The following RANBP3L variants were observed in gnomAD, a reference collection of about 807,000 sequenced individuals.
The protein encoded by RANBP3L is RAN binding protein 3 like, also known as ran-binding protein 3-like.
Under a neutral mutation model 67.2 loss-of-function variants are expected in RANBP3L, and 56 were observed. The ratio of observed to expected loss-of-function variants is 0.83; its 90% CI spans 0.67 to 1.04. RANBP3L has a LOEUF of 1.04. Among genes scored for constraint, RANBP3L ranks in the 50% least tolerant of loss-of-function variants. The pLI, the probability that RANBP3L is intolerant of heterozygous loss-of-function variation, is 0.00. For missense variants in RANBP3L, 496 were observed against 535.5 expected, an observed-to-expected ratio of 0.93 and a Z score of 0.73; for synonymous variants, 164 against 181.4, an observed-to-expected ratio of 0.90 and a Z score of 0.77.
At chr5:36,298,069 G>A (rs1752353188) in intron 1 of RANBP3L, among the ~76,000 whole-genome samples, 1 of 151,954 alleles carries the variant, frequency 6.6e-6, no homozygotes, top group African/African-American at 2.4e-5. Context: ...GGGAGGCCGA[G>A]GTGGGAAGAT....
At chr5:36,272,683 G>C (rs1007100186) in intron 1 of RANBP3L, among the ~76,000 whole-genome samples, 3 of 152,022 alleles carry the variant, frequency 2.0e-5, no homozygotes, top group Non-Finnish European at 4.4e-5. Flanking sequence ...TGTTGCCGAG[G>C]CTCGAGTGTA....
At chr5:36,284,326 C>CT (rs140779703) in intron 1 of RANBP3L, among the ~76,000 whole-genome samples, 9,392 of 152,216 alleles carry the variant, frequency 0.062, 984 homozygotes, top group African/African-American at 0.22. Context: ...AGGAATGCAG[C>CT]TTTTTAATTA....
Position 36,265,498 on chromosome 5 carries a change from C to CAT in RANBP3L, c.289_290dup (p.Met97IlefsTer2). 6.2e-7 allele frequency: 1 copy of CAT among 1,603,186 alleles called. No homozygotes were observed. Among genetic ancestry groups the CAT allele is most frequent in the Non-Finnish European group, 8.5e-7 (1 of 1,171,836 alleles). On this transcript the variant is annotated frameshift_variant, in exon 5 of 14. Coordinates refer to ENST00000296604, the MANE Select transcript of RANBP3L (RefSeq NM_145000.5). LOFTEE classifies it high-confidence loss of function. ...CACTACTTTGCACAAGAGCTGATGT[C>CAT]ATAAAAACATTGTTTTTCCTCACTG...
intron 1 of RANBP3L, among the ~76,000 whole-genome samples, chr5:36,286,063 A>C (rs1450841525): frequency 6.6e-6 from 1 of 152,172 alleles, no homozygotes; most frequent in East Asian, 1.9e-4. Context: ...GTTTTGTCTG[A>C]GCAAACCTTA....
chr5:36,266,980 C>G (rs1053855904), intron 4 of RANBP3L, among the ~76,000 whole-genome samples: 1 of 152,154 alleles, frequency 6.6e-6, no homozygotes, highest in African/African-American at 2.4e-5. Context: ...TGGTTTCGAA[C>G]TCCTGGCCTG....
rs950749795 is a variant in RANBP3L at position 36,261,955 on chromosome 5, C to A, written c.568G>T (p.Gly190Cys). The change falls in exon 7 of 14, where the codon GGT becomes TGT. Residue 190 changes from glycine (G) to cysteine (C), a missense_variant. Transcript: ENST00000296604. ...VQLSTNQDFL[G>C]ATSVGCQPNE... ...TTAACTTACCCTACTGATGTTGCACCTAAAAAGTCCTGGTTAGTAGACAGC... is the reference window on the plus strand; with the variant it reads ...TTAACTTACCCTACTGATGTTGCACATAAAAAGTCCTGGTTAGTAGACAGC... The A allele has an allele frequency of 1.3e-6, 2 of 1,569,772 alleles. No homozygotes were observed. The highest frequency in any genetic ancestry group is 1.7e-6 in the Non-Finnish European group (2 of 1,143,360).
At chr5:36,290,612 C>T (rs1751664796) in intron 1 of RANBP3L, among the ~76,000 whole-genome samples, 1 of 149,562 alleles carries the variant, frequency 6.7e-6, no homozygotes, top group African/African-American at 2.5e-5. Context: ...GAGCAGACTA[C>T]TTTCTCATGA....
At chr5:36,297,076 A>G (rs1433223506) in intron 1 of RANBP3L, among the ~76,000 whole-genome samples, 1 of 152,096 alleles carries the variant, frequency 6.6e-6, no homozygotes, top group African/African-American at 2.4e-5. Flanking sequence ...TGCTCCCAAA[A>G]CTTAATTATT....
chr5:36,268,323 T>G (rs1239687695), intron 4 of RANBP3L: 2 of 1,295,212 alleles, frequency 1.5e-6, no homozygotes, highest in Admixed American at 5.9e-5. Flanking sequence ...TGTTTTGTTT[T>G]CATTTGGAGT....
Position 36,254,948 on chromosome 5 carries a change from T to A in RANBP3L, c.1024+522A>T, listed in dbSNP as rs561112286. Among the ~76,000 whole-genome samples the A allele has an allele frequency of 1.3e-3, 203 of 152,222 alleles. 1 individual carries two copies. The Middle Eastern group carries it at 0.017, about 13-fold the overall frequency. The stretch of plus-strand genomic sequence containing the variant: ...CAATAACTACACACCTTAGAACTAA[T>A]CTCTTTCCTTAGAGACTAATCCTTC... On this transcript the variant is annotated intron_variant, in intron 11 of 13. Transcript: ENST00000296604.
chr5:36,257,085 G>C lies in RANBP3L; in HGVS notation c.773-14C>G, dbSNP rs778034491. 6.2e-7 allele frequency: 1 copy of C among 1,600,082 alleles called. No homozygotes were observed. The highest frequency in any genetic ancestry group is 1.1e-5 in the South Asian group (1 of 88,706). On this transcript the variant is annotated splice_polypyrimidine_tract_variant and intron_variant, in intron 9 of 13. Coordinates refer to ENST00000296604, the MANE Select transcript of RANBP3L (RefSeq NM_145000.5). The stretch of plus-strand genomic sequence containing the variant: ...TAGAGTCTGTTCCTAAGAGAAAATG[G>C]GGAAAAAACACTTAAAAGTCCCCAT...
chr5:36,280,057 A>C (rs781263573), intron 1 of RANBP3L, among the ~76,000 whole-genome samples: 2 of 152,188 alleles, frequency 1.3e-5, no homozygotes, highest in Non-Finnish European at 2.9e-5. Flanking sequence ...CATTTTCTGA[A>C]CACATCTGAT....
At chr5:36,267,198 A>T (rs569069949) in intron 4 of RANBP3L, among the ~76,000 whole-genome samples, 2 of 152,300 alleles carry the variant, frequency 1.3e-5, no homozygotes, top group South Asian at 4.1e-4. Flanking sequence ...AAGAATACAG[A>T]TTTATTCATT....
intron 8 of RANBP3L, among the ~76,000 whole-genome samples, chr5:36,258,558 A>G (rs930626212): frequency 1.3e-5 from 2 of 152,188 alleles, no homozygotes; most frequent in Non-Finnish European, 2.9e-5. Flanking sequence ...GAGGACAAAC[A>G]CAAATTATCT....
At position 36,248,599 on chromosome 5, in the gene RANBP3L, G is replaced by A. The variant is rs1748409623; in HGVS notation, c.*1055C>T. 1 of 152,070 alleles carries A rather than the reference G, an allele frequency of 6.6e-6. No individual in the cohort carries two copies. Among genetic ancestry groups the A allele is most frequent in the South Asian group, 2.1e-4 (1 of 4,834 alleles). The allele number at this position is 152,070 out of a possible 1,614,324, so 9.4% of individuals were successfully genotyped here. On this transcript the variant is annotated 3_prime_UTR_variant, in exon 14 of 14. Transcript: ENST00000296604. ...ATTCCAAATATGTTGTCATTGTTCAGAACATTTTCAGAAACATCTTGGAAT... is the reference window on the plus strand; with the variant it reads ...ATTCCAAATATGTTGTCATTGTTCAAAACATTTTCAGAAACATCTTGGAAT...
Position 36,248,997 on chromosome 5 carries a change from ATAGG to A in RANBP3L, c.*653_*656del, listed in dbSNP as rs1748429122. The A allele has an allele frequency of 6.6e-6, 1 of 152,146 alleles. No individual in the cohort carries two copies. The highest frequency in any genetic ancestry group is 1.5e-5 in the Non-Finnish European group (1 of 67,956). The allele number at this position is 152,146 out of a possible 1,614,324, so 9.4% of individuals were successfully genotyped here. Reference sequence around the variant, plus strand: ...CTTTCTTACACATGCTTTTTGATACATAGGTAATGTATTATATTTTATTTATTCA... The same window carrying A: ...CTTTCTTACACATGCTTTTTGATACATAATGTATTATATTTTATTTATTCA... On this transcript the variant is annotated 3_prime_UTR_variant, in exon 14 of 14. Coordinates refer to ENST00000296604, the MANE Select transcript of RANBP3L (RefSeq NM_145000.5).
chr5:36,289,175 G>A (rs578002758), intron 1 of RANBP3L, among the ~76,000 whole-genome samples: 40 of 152,036 alleles, frequency 2.6e-4, no homozygotes, highest in African/African-American at 5.1e-4. Flanking sequence ...AAAGCTATCC[G>A]TTCTCCCTTT....
intron 4 of RANBP3L, among the ~76,000 whole-genome samples, chr5:36,266,532 A>G (rs1359488914): frequency 5.3e-5 from 8 of 152,326 alleles, no homozygotes. Flanking sequence ...ATTATTGAAC[A>G]TCAACAAAAA....
Position 36,249,451 on chromosome 5 carries a change from T to C in RANBP3L, c.*203A>G. 2.9e-6 allele frequency: 1 copy of C among 339,332 alleles called. No homozygotes were observed. Among genetic ancestry groups the C allele is most frequent in the Non-Finnish European group, 5.4e-6 (1 of 186,164 alleles). 21.0% of individuals were successfully genotyped at this position (339,332 alleles called of 1,614,324 possible). A position where few individuals can be genotyped will look rare whatever the true frequency, so the allele number is the denominator to read the frequency against. ...TTTGAACTTCTGAAGTCCATTTTTT[T>C]AAATTCTGTCAGTTTCTGCACAATA... is the stretch of plus-strand genomic sequence containing the variant. On this transcript the variant is annotated 3_prime_UTR_variant, in exon 14 of 14. Transcript: ENST00000296604.
Sources: allele counts gnomAD v4.1 joint callset (sites outside exome capture counted in the v4.1 genomes callset), GRCh38; gene constraint gnomAD v4.1.1; transcripts MANE v1.5; gene names NCBI Gene and HGNC (gene_info 2026-07-23, HGNC 2026-07-21).